PAK1: variants seen among roughly 807,000 people sequenced by gnomAD.
PAK1 encodes p21 (RAC1) activated kinase 1.
PAK1 carries 29 observed loss-of-function variants against 67.4 expected under a neutral mutation model. The observed-to-expected ratio is 0.43, with a 90% CI of 0.32 to 0.59. The LOEUF (loss-of-function observed/expected upper bound fraction) is 0.59. Among genes scored for constraint, PAK1 ranks in the 20% least tolerant of loss-of-function variants. The probability of loss-of-function intolerance (pLI) is 0.07; values close to 1 mark genes in which losing one functional copy is unlikely to be tolerated. For missense variants in PAK1, 337 were observed against 670.7 expected, an observed-to-expected ratio of 0.50 and a Z score of 5.50; for synonymous variants, 223 against 237.4, an observed-to-expected ratio of 0.94 and a Z score of 0.56.
At chr11:77,508,393 G>A in the PAK1 span, among the ~76,000 whole-genome samples, 1 of 152,194 alleles carries the variant, frequency 6.6e-6, no homozygotes, top group Admixed American at 6.5e-5. Flanking sequence ...TTGGAGGGGA[G>A]TGTGACAGCA....
chr11:77,443,081 T>C (rs1358945038), intron 1 of PAK1, among the ~76,000 whole-genome samples: 1 of 152,104 alleles, frequency 6.6e-6, no homozygotes, highest in East Asian at 1.9e-4. Context: ...TCCCAGCACT[T>C]TGGGAGGCCG....
intron 1 of PAK1, among the ~76,000 whole-genome samples, chr11:77,426,678 G>C (rs1955562234): frequency 6.6e-6 from 1 of 152,018 alleles, no homozygotes; most frequent in African/African-American, 2.4e-5. Flanking sequence ...TGTGTCTCAG[G>C]CCAAATCAAA....
intron 1 of PAK1, among the ~76,000 whole-genome samples, chr11:77,450,066 T>C (rs1400129187): frequency 6.6e-6 from 1 of 152,220 alleles, no homozygotes; most frequent in African/African-American, 2.4e-5. Flanking sequence ...TTGAAGGCAA[T>C]ACCCTCAGTC....
chr11:77,423,393 G>A (rs1487941580), intron 1 of PAK1, among the ~76,000 whole-genome samples: 7 of 129,076 alleles, frequency 5.4e-5, no homozygotes, highest in Non-Finnish European at 1.1e-4. Context: ...CTTTCAAGTT[G>A]CTTTCAAATA....
intron 1 of PAK1, among the ~76,000 whole-genome samples, chr11:77,430,398 T>C (rs1036974420): frequency 8.5e-5 from 13 of 152,192 alleles, no homozygotes; most frequent in African/African-American, 3.1e-4. Context: ...CTTGTTCCCA[T>C]TTTGGCCCAG....
At chr11:77,368,969 C>G (rs992202913) in intron 5 of PAK1, among the ~76,000 whole-genome samples, 1 of 152,132 alleles carries the variant, frequency 6.6e-6, no homozygotes, top group African/African-American at 2.4e-5. Context: ...GGTGGTAAAC[C>G]TTGATCTTCA....
intron 1 of PAK1, among the ~76,000 whole-genome samples, chr11:77,449,272 A>G (rs897286611): frequency 3.3e-5 from 5 of 152,208 alleles, no homozygotes; most frequent in African/African-American, 1.2e-4. Context: ...CCACACAGAA[A>G]CAGCTTAAAA....
the PAK1 span, among the ~76,000 whole-genome samples, chr11:77,521,300 C>G: frequency 1.3e-5 from 2 of 152,126 alleles, no homozygotes; most frequent in Admixed American, 1.3e-4. Context: ...GAAGCCAAGG[C>G]AGGCAGATCC....
At chr11:77,399,765 A>G (rs1325764949) in intron 1 of PAK1, among the ~76,000 whole-genome samples, 1 of 137,018 alleles carries the variant, frequency 7.3e-6, no homozygotes, top group Non-Finnish European at 1.6e-5. Context: ...AGGCTGAGGC[A>G]GGAGAATGGC....
At chr11:77,512,678 T>C in the PAK1 span, among the ~76,000 whole-genome samples, 2 of 152,218 alleles carry the variant, frequency 1.3e-5, no homozygotes, top group African/African-American at 4.8e-5. Flanking sequence ...CTAGCTACAA[T>C]GCATTGAATA....
intron 1 of PAK1, among the ~76,000 whole-genome samples, chr11:77,452,636 G>T (rs1433070522): frequency 6.6e-6 from 1 of 152,054 alleles, no homozygotes; most frequent in African/African-American, 2.4e-5. Flanking sequence ...AAAAAAGACT[G>T]GTTATTTACA....
At chr11:77,357,658 C>T (rs1946218220) in intron 6 of PAK1, among the ~76,000 whole-genome samples, 1 of 152,096 alleles carries the variant, frequency 6.6e-6, no homozygotes, top group Non-Finnish European at 1.5e-5. Flanking sequence ...CTTTTGTTTA[C>T]TAAGAGACTG....
chr11:77,477,386 A>G (rs1374915520), upstream of PAK1, among the ~76,000 whole-genome samples: 1 of 152,116 alleles, frequency 6.6e-6, no homozygotes, highest in African/African-American at 2.4e-5. Context: ...CACCTCTAAT[A>G]TCAAACATTG....
intron 2 of PAK1, among the ~76,000 whole-genome samples, chr11:77,388,360 A>G (rs1309984635): frequency 1.3e-5 from 2 of 151,998 alleles, no homozygotes; most frequent in African/African-American, 4.8e-5. Context: ...ATTTTATTTT[A>G]TTTTGTTTTT....
chr11:77,448,134 C>T (rs1028831956), intron 1 of PAK1, among the ~76,000 whole-genome samples: 6 of 152,150 alleles, frequency 3.9e-5, no homozygotes, highest in African/African-American at 1.4e-4. Context: ...TCTGAGTTAC[C>T]AGCTGTGAGA....
In PAK1 at chr11:77,359,434, A is replaced by G. The variant is rs560173025; in HGVS notation, c.478-417T>C. 1.5e-4 allele frequency among the ~76,000 whole-genome samples: 23 copies of G among 152,284 alleles called. No homozygotes were observed. The South Asian group carries it at 2.5e-3, about 16-fold the overall frequency. ...TTCTAATTTTTCAAAATTCATCACT[A>G]TAATTTCTTACTCTCTCCTGATATG... On this transcript the variant is annotated intron_variant, in intron 5 of 14. Transcript: ENST00000356341.
chr11:77,343,970 T>C lies in PAK1; in HGVS notation c.886-39A>G, dbSNP rs139847224. Reference sequence around the variant, plus strand: ...TATATTCAATGTGCAACCATAGTCATTCCCATTTATTGAGCACCTGCTAAG... The same window carrying C: ...TATATTCAATGTGCAACCATAGTCACTCCCATTTATTGAGCACCTGCTAAG... On this transcript the variant is annotated intron_variant, in intron 9 of 14. Transcript: ENST00000356341. The C allele has an allele frequency of 9.2e-3, 12,204 of 1,330,196 alleles. 80 individuals carry two copies. The highest frequency in any genetic ancestry group is 0.011 in the Non-Finnish European group (10,205 of 922,034). The allele number at this position is 1,330,196 out of a possible 1,614,324, so 82.4% of individuals were successfully genotyped here. A position where few individuals can be genotyped will look rare whatever the true frequency, so the allele number is the denominator to read the frequency against.
the PAK1 span, among the ~76,000 whole-genome samples, chr11:77,514,602 A>C: frequency 1.3e-5 from 2 of 152,336 alleles, no homozygotes; most frequent in East Asian, 3.9e-4. Flanking sequence ...GGTGTCTAAA[A>C]ACATCTAGAA....
At chr11:77,489,422 C>CT in the PAK1 span, among the ~76,000 whole-genome samples, 1 of 150,962 alleles carries the variant, frequency 6.6e-6, no homozygotes, top group Non-Finnish European at 1.5e-5. Context: ...TCTCTCCTCT[C>CT]TCTCTCCCCT....
Sources: gnomAD v4.1 joint callset for allele counts (sites outside exome capture counted in the v4.1 genomes callset) on GRCh38, gnomAD v4.1.1 for gene constraint, MANE v1.5 for transcripts, NCBI Gene and HGNC (gene_info 2026-07-23, HGNC 2026-07-21) for gene names.